ADGRA1: variants seen among roughly 807,000 people sequenced by gnomAD.
ADGRA1 encodes adhesion G protein-coupled receptor A1, also known as G-protein coupled receptor 123.
Under a neutral mutation model 21.3 loss-of-function variants are expected in ADGRA1, and 12 were observed. The ratio of observed to expected loss-of-function variants is 0.56; its 90% confidence interval spans 0.36 to 0.91. The LOEUF is 0.91. Among genes scored for constraint, ADGRA1 ranks in the 40% least tolerant of loss-of-function variants. The pLI, the probability that ADGRA1 is intolerant of heterozygous loss-of-function variation, is 0.01. For synonymous variants in ADGRA1, 385 were observed against 368.8 expected (o/e 1.04, Z -0.50); for missense variants, 790 against 805.6 (o/e 0.98, Z 0.23).
chr10:133,105,079 C>T (rs536472196), intron 5 of ADGRA1, among the ~76,000 whole-genome samples: 89 of 152,362 alleles, frequency 5.8e-4, no homozygotes, highest in African/African-American at 2.1e-3. Context: ...ATTCCCAGAA[C>T]TCTACATGGC....
chr10:133,107,678 G>A (rs540821474), intron 5 of ADGRA1, among the ~76,000 whole-genome samples: 2 of 152,254 alleles, frequency 1.3e-5, no homozygotes, highest in South Asian at 2.1e-4. Flanking sequence ...TCCCTGAGCT[G>A]TCTCGTGGGT....
chr10:133,109,929 C>T lies in ADGRA1; in HGVS notation c.401+7087C>T, dbSNP rs934324953. On this transcript the variant is annotated intron_variant, in intron 5 of 6. Transcript: ENST00000392607. ...CCCCACGGCCTCTGCACACTCAGGG[C>T]GGGGCTGGAAGGACTCGGGACTCAG... Among the ~76,000 whole-genome samples the T allele has an allele frequency of 3.9e-5, 6 of 152,280 alleles. No individual in the cohort carries two copies. In the East Asian group the frequency reaches 9.6e-4, roughly 24 times the overall value.
intron 5 of ADGRA1, among the ~76,000 whole-genome samples, chr10:133,120,935 C>T (rs1294197699): frequency 1.5e-4 from 23 of 152,184 alleles, no homozygotes; most frequent in Admixed American, 1.5e-3. Context: ...TCCAACTGTT[C>T]CTTTCATTTG....
Position 133,128,994 on chromosome 10 carries a change from G to C in ADGRA1, c.1166G>C (p.Cys389Ser). The change falls in exon 7 of 7, where the codon TGC becomes TCC. Residue 389 changes from cysteine to serine, a missense_variant. Physicochemically the swap from Cys to Ser is moderately radical, Grantham distance 112. This residue lies in a region of ADGRA1 where 391 missense variants were observed against 351.5 expected (regional missense o/e 1.11). Coordinates refer to ENST00000392607, the MANE Select transcript of ADGRA1 (RefSeq NM_001083909.3). ...PATPCCAKMH[C>S]EPLTADEAHV... is the part of the protein sequence containing the mutation. ...ACCCCGTGCTGCGCCAAGATGCACT[G>C]CGAGCCACTGACGGCGGACGAGGCG... is the stretch of plus-strand genomic sequence containing the variant. 1.3e-6 allele frequency: 2 copies of C among 1,567,116 alleles called. No homozygotes were observed. The highest frequency in any genetic ancestry group is 1.7e-6 in the Non-Finnish European group (2 of 1,156,800).
At chr10:133,101,376 T>G (rs1225749501) in intron 4 of ADGRA1, among the ~76,000 whole-genome samples, 1 of 152,186 alleles carries the variant, frequency 6.6e-6, no homozygotes, top group Non-Finnish European at 1.5e-5. Flanking sequence ...AAGTGACACA[T>G]TCAACAGAGA....
At chr10:133,119,129 A>G (rs941641939) in intron 5 of ADGRA1, among the ~76,000 whole-genome samples, 4 of 152,130 alleles carry the variant, frequency 2.6e-5, no homozygotes, top group Non-Finnish European at 5.9e-5. Context: ...AGCACCCCAC[A>G]TGGAGCACAG....
At chr10:133,106,861 G>T (rs1244033940) in intron 5 of ADGRA1, among the ~76,000 whole-genome samples, 1 of 152,254 alleles carries the variant, frequency 6.6e-6, no homozygotes, top group African/African-American at 2.4e-5. Flanking sequence ...CTCCTGGGCA[G>T]TGTTTATCTG....
At chr10:133,101,566 G>A (rs1383419469) in intron 4 of ADGRA1, among the ~76,000 whole-genome samples, 1 of 152,180 alleles carries the variant, frequency 6.6e-6, no homozygotes, top group Non-Finnish European at 1.5e-5. Context: ...GCTCAGCTCT[G>A]CCACCCTCCT....
chr10:133,095,895 TG>T, intron 2 of ADGRA1: 1 of 1,289,096 alleles, frequency 7.8e-7, no homozygotes. Flanking sequence ...CCTGCCCCGA[TG>T]CCCAGGGCAG....
chr10:133,111,889 A>ACGGGCACCTCCCTCCTAATCCCAC (rs1564849524), intron 5 of ADGRA1, among the ~76,000 whole-genome samples: 5 of 119,684 alleles, frequency 4.2e-5, no homozygotes, highest in African/African-American at 9.5e-5. Context: ...CCTGCCCACC[A>ACGGGCACCTCCCTCCTAATCCCAC]CAGACACCTC....
chr10:133,097,839 G>A (rs11101915), intron 3 of ADGRA1, among the ~76,000 whole-genome samples: 3,495 of 152,184 alleles, frequency 0.023, 55 homozygotes, highest in Non-Finnish European at 0.034. Flanking sequence ...GCTCACAGAC[G>A]GCACCCACTG....
Position 133,129,043 on chromosome 10 carries a change from C to A in ADGRA1, c.1215C>A (p.Gly405=). The A allele has an allele frequency of 1.3e-6, 2 of 1,556,504 alleles. No individual in the cohort carries two copies. Among genetic ancestry groups the A allele is most frequent in the South Asian group, 1.2e-5 (1 of 84,822 alleles). The change falls in exon 7 of 7, where the codon GGC becomes GGA. Residue 405 remains glycine (G), a synonymous_variant. Coordinates refer to ENST00000392607, the MANE Select transcript of ADGRA1 (RefSeq NM_001083909.3). ...CGCACGTGCACCTGCAGGAGGAGGG[C>A]GCCTTCGGGCACGACCCCCACCTGC... The part of the protein sequence containing the change: ...DEAHVHLQEE[G]AFGHDPHLHG...
intron 5 of ADGRA1, among the ~76,000 whole-genome samples, chr10:133,111,975 A>G (rs9419006): frequency 0.33 from 4,813 of 14,582 alleles, 1,436 homozygotes; most frequent in South Asian, 0.41. Context: ...TGCCCACCAC[A>G]GGCACCTCCC....
At chr10:133,089,394 G>A (rs527257962) in intron 2 of ADGRA1, among the ~76,000 whole-genome samples, 4 of 152,338 alleles carry the variant, frequency 2.6e-5, no homozygotes, top group South Asian at 4.1e-4. Flanking sequence ...GAGAGAAGGC[G>A]GCCGCGCACA....
chr10:133,089,793 C>A (rs1851568132), intron 2 of ADGRA1, among the ~76,000 whole-genome samples: 1 of 152,224 alleles, frequency 6.6e-6, no homozygotes, highest in African/African-American at 2.4e-5. Flanking sequence ...CCTTTGCCAA[C>A]ATTCAGTATC....
At chr10:133,121,017 G>A (rs1037588407) in intron 5 of ADGRA1, among the ~76,000 whole-genome samples, 10 of 152,188 alleles carry the variant, frequency 6.6e-5, no homozygotes, top group Admixed American at 5.9e-4. Context: ...GGAATAGGAG[G>A]GAGATGGGGA....
chr10:133,111,175 G>GACCACC (rs1564848883), intron 5 of ADGRA1, among the ~76,000 whole-genome samples: 1 of 18,360 alleles, frequency 5.4e-5, no homozygotes, highest in Non-Finnish European at 8.9e-5. Context: ...CCTGCCCGCC[G>GACCACC]TGAGCACCTC....
intron 2 of ADGRA1, among the ~76,000 whole-genome samples, chr10:133,094,090 G>A (rs766367557): frequency 2.0e-4 from 30 of 152,258 alleles, no homozygotes; most frequent in Non-Finnish European, 4.3e-4. Context: ...AGCTCCAGGC[G>A]TCCACGCCTG....
At position 133,129,228 on chromosome 10, in the gene ADGRA1, A is replaced by G; in HGVS notation, c.1400A>G (p.His467Arg). The G allele has an allele frequency of 6.5e-7, 1 of 1,549,718 alleles. No homozygotes were observed. The highest frequency in any genetic ancestry group is 8.7e-7 in the Non-Finnish European group (1 of 1,146,900). Residue 467 changes from histidine to arginine, a missense_variant, in exon 7 of 7, where the codon CAC (histidine) becomes CGC (arginine). His to Arg is a conservative substitution (Grantham distance 29). Coordinates refer to ENST00000392607, the MANE Select transcript of ADGRA1 (RefSeq NM_001083909.3). ...TCTCTGGATGGCCCGGCGGGGACACACACGCTGGCCTGCTGCACCCAGGGC... is the reference window on the plus strand; with the variant it reads ...TCTCTGGATGGCCCGGCGGGGACACGCACGCTGGCCTGCTGCACCCAGGGC... ...PSSLDGPAGT[H>R]TLACCTQGDP...
Sources: gnomAD v4.1 joint callset for allele counts (sites outside exome capture counted in the v4.1 genomes callset) on GRCh38, gnomAD v4.1.1 for gene constraint, gnomAD v4.1.1 regional missense constraint, MANE v1.5 for transcripts, NCBI Gene and HGNC (gene_info 2026-07-23, HGNC 2026-07-21) for gene names.